Variants in PCDH11X observed in about 807,000 individuals in gnomAD.
PCDH11X encodes protocadherin-11 X-linked.
Under a neutral mutation model 53.3 loss-of-function variants are expected in PCDH11X, and 18 were observed. The ratio of observed to expected loss-of-function variants is 0.34; its 90% CI spans 0.23 to 0.50. The LOEUF is 0.50. Among genes scored for constraint, PCDH11X ranks in the 20% least tolerant of loss-of-function variants. The pLI is 0.98. For missense variants in PCDH11X, 570 were observed against 1,032.4 expected (o/e 0.55, Z 6.14); for synonymous variants, 279 against 393.3 (o/e 0.71, Z 3.44).
intron 10 of PCDH11X, among the ~76,000 whole-genome samples, chrX:92,515,960 T>C (rs1221357075): frequency 8.9e-6 from 1 of 112,157 alleles, no homozygotes; most frequent in Non-Finnish European, 1.9e-5. Flanking sequence ...AATGTTATAC[T>C]GCTCATGATT....
At chrX:92,444,257 G>A (rs2072581313) in intron 9 of PCDH11X, among the ~76,000 whole-genome samples, 2 of 107,501 alleles carry the variant, frequency 1.9e-5, no homozygotes, top group African/African-American at 6.8e-5. Flanking sequence ...TTGGTTAGAT[G>A]TGTTCCTAGG....
chrX:92,606,268 C>G (rs1200768549), intron 10 of PCDH11X, among the ~76,000 whole-genome samples: 1 of 92,758 alleles, frequency 1.1e-5, no homozygotes, highest in Non-Finnish European at 2.1e-5. Flanking sequence ...GACGCTAATG[C>G]TAAAACCACG....
At chrX:92,606,167 G>C (rs1158047901) in intron 10 of PCDH11X, among the ~76,000 whole-genome samples, 1 of 92,688 alleles carries the variant, frequency 1.1e-5, no homozygotes, top group Admixed American at 1.3e-4. Context: ...GGAGGCAGAG[G>C]TTGCAGTGAG....
intron 6 of PCDH11X, among the ~76,000 whole-genome samples, chrX:92,119,235 A>G (rs2064705667): frequency 9.1e-6 from 1 of 109,662 alleles, no homozygotes; most frequent in Admixed American, 9.8e-5. Context: ...CCTCCTGAGT[A>G]GCTGGGACTA....
At chrX:91,872,661 G>T (rs1939389445) in intron 5 of PCDH11X, among the ~76,000 whole-genome samples, 1 of 105,109 alleles carries the variant, frequency 9.5e-6, no homozygotes, top group Non-Finnish European at 2.0e-5. Flanking sequence ...TGGAATTCAG[G>T]GTAGTGCAGG....
intron 10 of PCDH11X, among the ~76,000 whole-genome samples, chrX:92,530,397 G>A (rs1367903483): frequency 9.1e-6 from 1 of 110,457 alleles, no homozygotes; most frequent in Admixed American, 9.7e-5. Context: ...TTATTTTACC[G>A]TTTATAAAAA....
rs187445136 is a variant in PCDH11X, at chrX:92,418,283, C to G, written c.3343+30350C>G. Among the ~76,000 whole-genome samples the G allele has an allele frequency of 5.8e-3, 642 of 110,784 alleles. 6 individuals are homozygous for G. Among genetic ancestry groups the G allele is most frequent in the African/African-American group, 0.02 (613 of 30,568 alleles). On this transcript the variant is annotated intron_variant, in intron 9 of 10. Coordinates refer to ENST00000682573, the MANE Select transcript of PCDH11X (RefSeq NM_032968.5). Reference sequence around the variant, plus strand: ...AAGCAAATTTTTTTATTATCTATAACAGCAGGTAATCATAAAATATAAACG... The same window carrying G: ...AAGCAAATTTTTTTATTATCTATAAGAGCAGGTAATCATAAAATATAAACG...
At chrX:92,281,988 AC>A (rs1322376168) in intron 8 of PCDH11X, among the ~76,000 whole-genome samples, 2 of 111,205 alleles carry the variant, frequency 1.8e-5, no homozygotes, top group African/African-American at 6.5e-5. Context: ...AGTCACTTAA[AC>A]TTTTTAGACC....
At chrX:92,033,161 T>A (rs2063077325) in intron 6 of PCDH11X, among the ~76,000 whole-genome samples, 1 of 111,123 alleles carries the variant, frequency 9.0e-6, no homozygotes, top group Admixed American at 9.6e-5. Context: ...TTGTTGAGGA[T>A]TTTTGCATCA....
At chrX:92,222,399 C>CTGTTT (rs1429333276) in intron 7 of PCDH11X, among the ~76,000 whole-genome samples, 1 of 111,488 alleles carries the variant, frequency 9.0e-6, no homozygotes, top group East Asian at 2.8e-4. Context: ...AAAGATTTGT[C>CTGTTT]TGTTTTGTTT....
chrX:92,202,563 C>T (rs1022719476), intron 7 of PCDH11X, among the ~76,000 whole-genome samples: 2 of 111,675 alleles, frequency 1.8e-5, no homozygotes, highest in African/African-American at 3.3e-5. Context: ...GTCTGTATAG[C>T]TACCTACTCT....
chrX:92,484,143 ATATATATGTATATATG>A (rs1195188913), intron 10 of PCDH11X, among the ~76,000 whole-genome samples: 2 of 43,550 alleles, frequency 4.6e-5, no homozygotes, highest in African/African-American at 7.1e-5. Flanking sequence ...ATATGTATGT[ATATATATGTATATATG>A]TATATATGTA....
chrX:91,914,379 C>T (rs1468254946), intron 6 of PCDH11X, among the ~76,000 whole-genome samples: 2 of 111,250 alleles, frequency 1.8e-5, no homozygotes, highest in African/African-American at 6.5e-5. Flanking sequence ...CAGATCCCCA[C>T]GAATGGATCC....
chrX:92,494,603 G>A (rs2148688524), intron 10 of PCDH11X, among the ~76,000 whole-genome samples: 1 of 111,297 alleles, frequency 9.0e-6, no homozygotes, highest in African/African-American at 3.3e-5. Flanking sequence ...CGGCACCACT[G>A]TAATCCATTA....
chrX:92,048,602 A>T (rs1271609061), intron 6 of PCDH11X, among the ~76,000 whole-genome samples: 1 of 111,608 alleles, frequency 9.0e-6, no homozygotes, highest in East Asian at 2.8e-4. Context: ...TTAATAAATG[A>T]TTTAGAGGAA....
At chrX:92,360,603 T>A (rs1230076658) in intron 8 of PCDH11X, among the ~76,000 whole-genome samples, 1 of 110,628 alleles carries the variant, frequency 9.0e-6, no homozygotes, top group Non-Finnish European at 1.9e-5. Context: ...ATGCATTTCT[T>A]CCCTTCATTT....
At chrX:92,452,461 G>GTGTGTGTATA (rs2072806768) in intron 9 of PCDH11X, among the ~76,000 whole-genome samples, 1 of 39,899 alleles carries the variant, frequency 2.5e-5, no homozygotes, top group Admixed American at 3.1e-4. Context: ...ATGTGTGTGT[G>GTGTGTGTATA]TGTATATATA....
rs192686297 is a variant in PCDH11X at position 92,602,345 on chromosome X, T to C, written c.3368-15919T>C. Among the ~76,000 whole-genome samples, 15 of 112,364 alleles carry C rather than the reference T, an allele frequency of 1.3e-4. No homozygotes were observed. In the East Asian group the frequency reaches 4.2e-3, roughly 32 times the overall value. ...AATTTAAAAGACTGTAGATTAGCTG[T>C]AGGTTTAGCAGAGACAATCAGGAAA... is the stretch of plus-strand genomic sequence containing the variant. On this transcript the variant is annotated intron_variant, in intron 10 of 10. Transcript: ENST00000682573.
Position 91,992,477 on chromosome X carries a change from CCT to C in PCDH11X, c.3033+113209_3033+113210del, listed in dbSNP as rs750062040. Among the ~76,000 whole-genome samples the C allele has an allele frequency of 3.2e-3, 287 of 90,922 alleles. 4 individuals carry two copies. The highest frequency in any genetic ancestry group is 0.012 in the African/African-American group (274 of 22,712). 79.0% of individuals were successfully genotyped at this position (90,922 alleles called of 115,157 possible). A position where few individuals can be genotyped will look rare whatever the true frequency, so the allele number is the denominator to read the frequency against. Reference sequence around the variant, plus strand: ...TTTCAGGTTCAGCCACCCTATTGTGCCTCTCTGCTCATTTCCACACTGACCTT... The same window carrying C: ...TTTCAGGTTCAGCCACCCTATTGTGCCTCTGCTCATTTCCACACTGACCTT... On this transcript the variant is annotated intron_variant, in intron 6 of 10. Coordinates refer to ENST00000682573, the MANE Select transcript of PCDH11X (RefSeq NM_032968.5).
Sources: allele counts gnomAD v4.1 joint callset (sites outside exome capture counted in the v4.1 genomes callset), GRCh38; gene constraint gnomAD v4.1.1; transcripts MANE v1.5; gene names NCBI Gene and HGNC (gene_info 2026-07-23, HGNC 2026-07-21).